The following TENM2 variants were observed in gnomAD, a reference collection of about 807,000 sequenced individuals.
TENM2 encodes teneurin-2.
A neutral mutation model predicts 245.2 loss-of-function variants in TENM2; 52 were observed. The ratio of observed to expected loss-of-function variants is 0.21; its 90% CI spans 0.17 to 0.27. TENM2 has a LOEUF of 0.27. TENM2 is among the 10% of genes least tolerant of loss of function. The probability of loss-of-function intolerance (pLI) is 1.00; values close to 1 mark genes in which losing one functional copy is unlikely to be tolerated. For synonymous variants in TENM2, 1,363 were observed against 1,438.9 expected, an observed-to-expected ratio of 0.95 and a Z score of 1.19; for missense variants, 3,046 against 3,666.8, an observed-to-expected ratio of 0.83 and a Z score of 4.37.
chr5:167,948,394 T>C (rs192642015), intron 3 of TENM2, among the ~76,000 whole-genome samples: 2,200 of 152,362 alleles, frequency 0.014, 47 homozygotes, highest in Non-Finnish European at 0.019. Context: ...CAGACCATTC[T>C]TTAGCAGGAC....
the TENM2 span, among the ~76,000 whole-genome samples, chr5:167,161,005 G>C: frequency 7.8e-6 from 1 of 128,220 alleles, no homozygotes; most frequent in African/African-American, 2.5e-5. Flanking sequence ...TTTCCAAACT[G>C]TGTTCCTTGA....
At chr5:167,196,091 G>A in the TENM2 span, among the ~76,000 whole-genome samples, 976 of 152,072 alleles carry the variant, frequency 6.4e-3, 7 homozygotes, top group Non-Finnish European at 9.2e-3. Flanking sequence ...CCTGGATGGT[G>A]CAGCCCACTA....
chr5:167,964,736 A>T (rs1781261692), intron 4 of TENM2, among the ~76,000 whole-genome samples: 1 of 152,204 alleles, frequency 6.6e-6, no homozygotes, highest in African/African-American at 2.4e-5. Flanking sequence ...TCTAGATCAC[A>T]AAAACAATGA....
At chr5:168,035,995 G>T (rs1787630269) in intron 5 of TENM2, among the ~76,000 whole-genome samples, 1 of 152,138 alleles carries the variant, frequency 6.6e-6, no homozygotes, top group Non-Finnish European at 1.5e-5. Context: ...AAACAAATTG[G>T]GGAACTTTCC....
intron 2 of TENM2, among the ~76,000 whole-genome samples, chr5:167,732,374 G>C (rs1442478378): frequency 1.3e-5 from 2 of 152,154 alleles, no homozygotes; most frequent in African/African-American, 4.8e-5. Context: ...AAGTGCATCA[G>C]GGGCTTTGGA....
At chr5:167,110,385 A>T in the TENM2 span, among the ~76,000 whole-genome samples, 1 of 152,184 alleles carries the variant, frequency 6.6e-6, no homozygotes, top group Non-Finnish European at 1.5e-5. Context: ...CAAAGAAGAG[A>T]TACATGTAGG....
At chr5:167,325,587 C>G (rs970448839) in intron 1 of TENM2, among the ~76,000 whole-genome samples, 3 of 152,204 alleles carry the variant, frequency 2.0e-5, no homozygotes, top group African/African-American at 7.2e-5. Flanking sequence ...AGTGGACTTA[C>G]AAGACTTCCA....
At chr5:167,988,213 A>G (rs1017007266) in intron 4 of TENM2, among the ~76,000 whole-genome samples, 3 of 152,194 alleles carry the variant, frequency 2.0e-5, no homozygotes, top group African/African-American at 7.2e-5. Flanking sequence ...TTTTAAAATT[A>G]AAAATGTTCA....
At chr5:167,208,971 T>C in the TENM2 span, among the ~76,000 whole-genome samples, 1 of 152,288 alleles carries the variant, frequency 6.6e-6, no homozygotes, top group Non-Finnish European at 1.5e-5. Flanking sequence ...AGTGGGAATA[T>C]AGCTTCTAAC....
chr5:167,374,612 C>A (rs574984793), intron 1 of TENM2, among the ~76,000 whole-genome samples: 1 of 152,048 alleles, frequency 6.6e-6, no homozygotes, highest in Admixed American at 6.5e-5. Flanking sequence ...CTAGGACGGG[C>A]ACCCAGGTCT....
the TENM2 span, among the ~76,000 whole-genome samples, chr5:167,136,589 C>A: frequency 1.3e-5 from 2 of 152,100 alleles, no homozygotes; most frequent in African/African-American, 4.8e-5. Context: ...ACATTTTGAT[C>A]CACCCCTATT....
At chr5:168,126,850 T>C (rs1795889073) in exon 12 of TENM2, 1 of 1,611,026 alleles carries the variant, frequency 6.2e-7, no homozygotes, top group Non-Finnish European at 8.5e-7. Flanking sequence ...GACCAGCGCG[T>C]GTGCCACCCC....
intron 2 of TENM2, among the ~76,000 whole-genome samples, chr5:167,439,894 A>G (rs187266641): frequency 3.3e-5 from 5 of 152,304 alleles, no homozygotes; most frequent in African/African-American, 4.8e-5. Flanking sequence ...CACATTTTAA[A>G]AGATATAATA....
intron 4 of TENM2, among the ~76,000 whole-genome samples, chr5:167,970,854 G>C (rs1781724058): frequency 6.6e-6 from 1 of 152,044 alleles, no homozygotes; most frequent in Non-Finnish European, 1.5e-5. Context: ...CAGGGGGTAA[G>C]GGTGGCACAC....
At chr5:167,508,822 T>C (rs1769732057) in intron 2 of TENM2, among the ~76,000 whole-genome samples, 1 of 152,180 alleles carries the variant, frequency 6.6e-6, no homozygotes, top group South Asian at 2.1e-4. Flanking sequence ...TGACATATCT[T>C]TTAATATACA....
chr5:167,416,580 C>T (rs765957121), intron 2 of TENM2, among the ~76,000 whole-genome samples: 8 of 152,280 alleles, frequency 5.3e-5, no homozygotes, highest in East Asian at 1.9e-4. Context: ...AATATTGGCA[C>T]GACACCACAT....
chr5:167,756,806 G>C (rs775060428), intron 2 of TENM2, among the ~76,000 whole-genome samples: 1 of 152,072 alleles, frequency 6.6e-6, no homozygotes, highest in Non-Finnish European at 1.5e-5. Flanking sequence ...GATCCAGGGA[G>C]ACAAAGTCAC....
At chr5:167,194,825 G>A in the TENM2 span, among the ~76,000 whole-genome samples, 96 of 152,088 alleles carry the variant, frequency 6.3e-4, no homozygotes, top group African/African-American at 1.9e-3. Flanking sequence ...ACAAAACCTC[G>A]GAAGGATGGA....
chr5:167,446,068 C>T (rs1005844689), intron 2 of TENM2, among the ~76,000 whole-genome samples: 2 of 152,192 alleles, frequency 1.3e-5, no homozygotes, highest in African/African-American at 4.8e-5. Flanking sequence ...TACTCCACTT[C>T]AAAAATTATC....
Sources: allele counts gnomAD v4.1 joint callset (sites outside exome capture counted in the v4.1 genomes callset), GRCh38; gene constraint gnomAD v4.1.1; transcripts MANE v1.5; gene names NCBI Gene and HGNC (gene_info 2026-07-23, HGNC 2026-07-21).